Variants in PTK7 observed in about 807,000 individuals in gnomAD.
PTK7 encodes the protein protein tyrosine kinase 7 (inactive), also known as inactive tyrosine-protein kinase 7.
In PTK7, 39 loss-of-function variants were observed where a neutral mutation model predicts 116.6. The ratio of observed to expected loss-of-function variants is 0.33; its 90% CI spans 0.26 to 0.44. The LOEUF (loss-of-function observed/expected upper bound fraction) is 0.44, where lower values mean the gene tolerates loss of function less well. PTK7 is among the 20% of genes least tolerant of loss of function. The pLI is 1.00. For synonymous variants in PTK7, 546 were observed against 563.6 expected (o/e 0.97, Z 0.44); for missense variants, 1,169 against 1,425.6 (o/e 0.82, Z 2.90).
At chr6:43,120,226 C>G (rs975493858) in intron 1 of PTK7, among the ~76,000 whole-genome samples, 1 of 152,162 alleles carries the variant, frequency 6.6e-6, no homozygotes, top group Non-Finnish European at 1.5e-5. Flanking sequence ...TGACTTCATT[C>G]CCCCACGCGT....
chr6:43,146,074 T>C (rs1770708529), intron 16 of PTK7: 1 of 153,554 alleles, frequency 6.5e-6, no homozygotes, highest in South Asian at 2.0e-4. Context: ...ACACTTGTAA[T>C]CCCAGCACTT....
chr6:43,080,049 CAAAA>C (rs1173188904), intron 1 of PTK7, among the ~76,000 whole-genome samples: 4 of 56,832 alleles, frequency 7.0e-5, no homozygotes, highest in Non-Finnish European at 1.1e-4. Flanking sequence ...TGACAGAGTT[CAAAA>C]AAAAAAAAAA....
At chr6:43,095,649 G>A (rs1344181145) in intron 1 of PTK7, among the ~76,000 whole-genome samples, 1 of 152,112 alleles carries the variant, frequency 6.6e-6, no homozygotes, top group Non-Finnish European at 1.5e-5. Flanking sequence ...TCCTATGAGA[G>A]TGTTTTGAAG....
At chr6:43,147,335 C>T (rs1204107767) in intron 17 of PTK7, among the ~76,000 whole-genome samples, 1 of 152,210 alleles carries the variant, frequency 6.6e-6, no homozygotes. Context: ...GAAAGCTTGC[C>T]TGCTACCCCC....
intron 1 of PTK7, among the ~76,000 whole-genome samples, chr6:43,077,544 T>C (rs1425365003): frequency 1.3e-5 from 2 of 152,130 alleles, no homozygotes; most frequent in African/African-American, 4.8e-5. Flanking sequence ...GAGTCATCAC[T>C]GAGGTGTTGA....
intron 17 of PTK7, among the ~76,000 whole-genome samples, chr6:43,156,845 C>T (rs1216434116): frequency 6.6e-6 from 1 of 151,644 alleles, no homozygotes. Flanking sequence ...TGCAGTGAGC[C>T]GAGATCGCAC....
intron 17 of PTK7, among the ~76,000 whole-genome samples, chr6:43,155,539 G>A (rs1206934926): frequency 1.3e-5 from 2 of 151,642 alleles, no homozygotes; most frequent in Admixed American, 6.6e-5. Flanking sequence ...AGCTACTCGG[G>A]AGGTTGAGGC....
chr6:43,141,259 T>C lies in PTK7; in HGVS notation c.1619-409T>C, dbSNP rs1462803916. ...TAGAGTGAGAGAGTACAGTTGTAGATTCTGAGGAGGAAGTAGGCTCCCTCT... is the reference window on the plus strand; with the variant it reads ...TAGAGTGAGAGAGTACAGTTGTAGACTCTGAGGAGGAAGTAGGCTCCCTCT... On this transcript the variant is annotated intron_variant, in intron 10 of 19. Transcript: ENST00000230419. This position sits in a 1 kb window ranked among gnomAD's most constrained non-coding sequence, Gnocchi z 4.9. Among the ~76,000 whole-genome samples, 3 of 152,142 alleles carry C rather than the reference T, an allele frequency of 2.0e-5. No homozygotes were observed. Among genetic ancestry groups the C allele is most frequent in the African/African-American group, 7.2e-5 (3 of 41,426 alleles).
In PTK7 at chr6:43,129,736, C is replaced by A; in HGVS notation, c.377C>A (p.Ala126Glu). The change falls in exon 3 of 20, where the codon GCA becomes GAA. Residue 126 changes from alanine (A) to glutamate (E), a missense_variant. Ala to Glu is a moderately radical substitution (Grantham distance 107). Transcript: ENST00000230419. The surrounding 1 kb of genome is among the most constrained non-coding windows in gnomAD (Gnocchi z 4.5). ...GTGGCCTCTGCTACAGGGATTGAGG[C>A]AGGTCCTGTGGTCCTGAAGCATCCA... ...NASFNIKWIE[A>E]GPVVLKHPAS... The A allele has an allele frequency of 6.2e-7, 1 of 1,614,140 alleles. No homozygotes were observed. Among genetic ancestry groups the A allele is most frequent in the Non-Finnish European group, 8.5e-7 (1 of 1,180,004 alleles).
intron 5 of PTK7, 89 bp from the exon 6 acceptor site, chr6:43,131,927 C>T (rs960007375): frequency 2.1e-5 from 33 of 1,555,320 alleles, no homozygotes; most frequent in Middle Eastern, 4.5e-4. Flanking sequence ...ACTACATTTC[C>T]GACTTTGCAG....
intron 17 of PTK7, among the ~76,000 whole-genome samples, chr6:43,150,893 C>T (rs1771033964): frequency 6.7e-6 from 1 of 149,070 alleles, no homozygotes; most frequent in African/African-American, 2.5e-5. Context: ...CTGCAGCCTC[C>T]GCCTCCCAAG....
At chr6:43,130,465 G>A (rs368000633) in intron 4 of PTK7, 45 bp downstream of exon 4, 10 of 1,609,102 alleles carry the variant, frequency 6.2e-6, no homozygotes, top group African/African-American at 2.7e-5. Flanking sequence ...AGCACAGGAG[G>A]GCCTCACCAC....
chr6:43,121,220 C>A (rs1768942349), intron 1 of PTK7, among the ~76,000 whole-genome samples: 1 of 152,100 alleles, frequency 6.6e-6, no homozygotes. Context: ...TGATGCCGGA[C>A]CCAAGGCCTT....
chr6:43,119,497 C>T (rs754905314), intron 1 of PTK7, among the ~76,000 whole-genome samples: 20 of 152,130 alleles, frequency 1.3e-4, no homozygotes, highest in African/African-American at 3.1e-4. Context: ...GGATCCTGCA[C>T]ATTGGAACCC....
chr6:43,076,954 A>G lies in PTK7; in HGVS notation c.79+387A>G. The G allele has an allele frequency of 6.6e-7, 1 of 1,513,082 alleles. No homozygotes were observed. Among genetic ancestry groups the G allele is most frequent in the Non-Finnish European group, 8.8e-7 (1 of 1,130,762 alleles). The allele number at this position is 1,513,082 out of a possible 1,614,324, so 93.7% of individuals were successfully genotyped here. A position where few individuals can be genotyped will look rare whatever the true frequency, so the allele number is the denominator to read the frequency against. On this transcript the variant is annotated intron_variant, in intron 1 of 19. Coordinates refer to ENST00000230419, the MANE Select transcript of PTK7 (RefSeq NM_002821.5). The surrounding 1 kb of genome is among the most constrained non-coding windows in gnomAD (Gnocchi z 5.7). ...GTGGGGAGCGCGATGGAGAAAAAGG[A>G]ATTCCCCACCCCACCCGGCAGGGTC...
chr6:43,142,345 G>A (rs368638394), intron 13 of PTK7, 46 bp downstream of exon 13: 1 of 1,613,244 alleles, frequency 6.2e-7, no homozygotes, highest in Non-Finnish European at 8.5e-7. Flanking sequence ...GGTGGGCCCA[G>A]ACGTTTGTCA....
At chr6:43,158,264 A>G (rs1040437837) in intron 17 of PTK7, among the ~76,000 whole-genome samples, 4 of 151,214 alleles carry the variant, frequency 2.6e-5, no homozygotes, top group Admixed American at 1.3e-4. Context: ...ATGCCACTGC[A>G]CTCCAGCCTG....
intron 1 of PTK7, among the ~76,000 whole-genome samples, chr6:43,093,999 T>C (rs945127455): frequency 3.9e-5 from 6 of 152,192 alleles, no homozygotes; most frequent in Non-Finnish European, 5.9e-5. Flanking sequence ...AAGTTAAAGT[T>C]ATACTTCTAC....
At chr6:43,084,348 G>T (rs1766540470) in intron 1 of PTK7, among the ~76,000 whole-genome samples, 1 of 152,110 alleles carries the variant, frequency 6.6e-6, no homozygotes, top group South Asian at 2.1e-4. Flanking sequence ...TTGCTGTGTT[G>T]CCCAGGCTGG....
Sources: gnomAD v4.1 joint callset for allele counts (sites outside exome capture counted in the v4.1 genomes callset) on GRCh38, gnomAD v4.1.1 for gene constraint, Gnocchi (gnomAD v3.1) non-coding constraint, MANE v1.5 for transcripts, NCBI Gene and HGNC (gene_info 2026-07-23, HGNC 2026-07-21) for gene names.